Variants in SMAP1 observed in about 807,000 individuals in gnomAD.
SMAP1 encodes the protein small ArfGAP 1.
A neutral mutation model predicts 58.5 loss-of-function variants in SMAP1; 24 were observed. The ratio of observed to expected loss-of-function variants is 0.41; its 90% CI spans 0.30 to 0.58. SMAP1 has a LOEUF of 0.58. SMAP1 is among the 20% of genes least tolerant of loss of function. SMAP1 has a pLI of 0.29. For synonymous variants in SMAP1, 216 were observed against 196.6 expected (o/e 1.10, Z -0.82); for missense variants, 563 against 566.3 (o/e 0.99, Z 0.06).
intron 6 of SMAP1, among the ~76,000 whole-genome samples, chr6:70,818,091 T>C (rs1476775819): frequency 2.6e-5 from 4 of 152,280 alleles, no homozygotes; most frequent in African/African-American, 9.6e-5. Flanking sequence ...TTTTGAATAT[T>C]CAAGTAATTT....
intron 1 of SMAP1, among the ~76,000 whole-genome samples, chr6:70,707,029 TTTTC>T (rs1767869048): frequency 6.6e-6 from 1 of 152,170 alleles, no homozygotes. Context: ...TATTCTGGGT[TTTTC>T]TTTGATTTTT....
At chr6:70,818,993 A>G (rs1260847136) in intron 6 of SMAP1, among the ~76,000 whole-genome samples, 1 of 152,068 alleles carries the variant, frequency 6.6e-6, no homozygotes, top group African/African-American at 2.4e-5. Flanking sequence ...ATCACCCCCA[A>G]AAGAAACCCT....
chr6:70,668,717 G>T, intron 1 of SMAP1: 1 of 1,536,092 alleles, frequency 6.5e-7, no homozygotes. Flanking sequence ...GTCTTTTTCG[G>T]TGGGTTTGAG....
intron 4 of SMAP1, among the ~76,000 whole-genome samples, chr6:70,782,586 C>T (rs908061146): frequency 2.0e-5 from 3 of 152,166 alleles, no homozygotes; most frequent in Non-Finnish European, 2.9e-5. Flanking sequence ...CATCGGACTC[C>T]AAGTTCTTTA....
At chr6:70,805,263 C>T (rs938882955) in intron 6 of SMAP1, among the ~76,000 whole-genome samples, 5 of 152,160 alleles carry the variant, frequency 3.3e-5, no homozygotes, top group Non-Finnish European at 5.9e-5. Flanking sequence ...TCTTCAATCA[C>T]TGATATCCTT....
chr6:70,759,430 G>A (rs1027023169), intron 3 of SMAP1, among the ~76,000 whole-genome samples: 9 of 151,902 alleles, frequency 5.9e-5, no homozygotes, highest in Non-Finnish European at 1.2e-4. Flanking sequence ...ATTACTTGAC[G>A]TTTTTGAAAA....
chr6:70,668,293 G>C (rs1443837396), intron 1 of SMAP1, 152 bp downstream of exon 1: 2 of 835,106 alleles, frequency 2.4e-6, no homozygotes, highest in Admixed American at 3.8e-5. Flanking sequence ...GGGCGGGCGC[G>C]GGGCTCCTGT....
chr6:70,765,027 C>T (rs934631027), intron 3 of SMAP1, among the ~76,000 whole-genome samples: 8 of 152,314 alleles, frequency 5.3e-5, no homozygotes, highest in African/African-American at 1.7e-4. Flanking sequence ...TCTTGAGCTC[C>T]TCGGCTCAAG....
rs1084383 is a variant in SMAP1 at position 70,690,026 on chromosome 6, T to A, written c.118+21885T>A. 3.9e-3 allele frequency among the ~76,000 whole-genome samples: 601 copies of A among 152,294 alleles called. 3 individuals carry two copies. The highest frequency in any genetic ancestry group is 0.014 in the African/African-American group (585 of 41,560). On this transcript the variant is annotated intron_variant, in intron 1 of 10. Transcript: ENST00000370455. Reference sequence around the variant, plus strand: ...AAAGGCAATTTTTGCTTTTTTCCAATTTGAATACCTTTTATTTCCTTTTTC... The same window carrying A: ...AAAGGCAATTTTTGCTTTTTTCCAAATTGAATACCTTTTATTTCCTTTTTC...
chr6:70,757,619 A>G (rs1158521793), intron 3 of SMAP1, among the ~76,000 whole-genome samples: 1 of 152,014 alleles, frequency 6.6e-6, no homozygotes, highest in Non-Finnish European at 1.5e-5. Context: ...CAACCTACTC[A>G]TCTGACAGAG....
At chr6:70,758,165 A>G (rs1430364855) in intron 3 of SMAP1, among the ~76,000 whole-genome samples, 1 of 151,060 alleles carries the variant, frequency 6.6e-6, no homozygotes, top group South Asian at 2.1e-4. Context: ...TGTGGCACAT[A>G]TACACCATGG....
intron 1 of SMAP1, among the ~76,000 whole-genome samples, chr6:70,682,401 C>T (rs1362406301): frequency 6.6e-6 from 1 of 151,788 alleles, no homozygotes; most frequent in Non-Finnish European, 1.5e-5. Context: ...ATTGGCCAGG[C>T]TGGTCTCGAA....
At chr6:70,824,018 C>T (rs1770006621) in intron 6 of SMAP1, among the ~76,000 whole-genome samples, 1 of 152,054 alleles carries the variant, frequency 6.6e-6, no homozygotes, top group African/African-American at 2.4e-5. Context: ...GAGCCTCCAG[C>T]AGTTCATCAA....
chr6:70,766,828 A>G (rs1245188508), intron 3 of SMAP1, among the ~76,000 whole-genome samples: 3 of 152,184 alleles, frequency 2.0e-5, no homozygotes, highest in South Asian at 2.1e-4. Flanking sequence ...GCCCATGCCT[A>G]TGTCCTGAAT....
intron 4 of SMAP1, among the ~76,000 whole-genome samples, chr6:70,785,905 C>T (rs1435651635): frequency 9.2e-5 from 14 of 152,144 alleles, no homozygotes; most frequent in Admixed American, 3.9e-4. Flanking sequence ...CCTTCTGAAA[C>T]GATTCCAATC....
At chr6:70,681,391 C>T (rs2128551857) in intron 1 of SMAP1, among the ~76,000 whole-genome samples, 1 of 152,298 alleles carries the variant, frequency 6.6e-6, no homozygotes, top group East Asian at 1.9e-4. Context: ...TGTGCCACTG[C>T]ACTCCAACCT....
At chr6:70,729,491 G>GTGTGTGTGTGTGTA (rs1287566747) in intron 1 of SMAP1, among the ~76,000 whole-genome samples, 10 of 150,630 alleles carry the variant, frequency 6.6e-5, no homozygotes, top group African/African-American at 2.2e-4. Context: ...GTGTGTGTGT[G>GTGTGTGTGTGTGTA]TGTATGTGTG....
chr6:70,766,005 T>C (rs1419859458), intron 3 of SMAP1, among the ~76,000 whole-genome samples: 5 of 151,606 alleles, frequency 3.3e-5, no homozygotes, highest in Non-Finnish European at 5.9e-5. Flanking sequence ...GTTTGGTTTT[T>C]TGTTCTTGCG....
At chr6:70,793,854 C>G (rs1407639647) in intron 5 of SMAP1, among the ~76,000 whole-genome samples, 1 of 152,096 alleles carries the variant, frequency 6.6e-6, no homozygotes, top group Non-Finnish European at 1.5e-5. Context: ...TCTGCCTCAG[C>G]CTCCCGAGTA....
Sources: allele counts gnomAD v4.1 joint callset (sites outside exome capture counted in the v4.1 genomes callset), GRCh38; gene constraint gnomAD v4.1.1; transcripts MANE v1.5; gene names NCBI Gene and HGNC (gene_info 2026-07-23, HGNC 2026-07-21).